Variants in ARL17A observed in about 807,000 individuals in gnomAD.
ARL17A encodes ARF like GTPase 17A.
chr17:46,539,197 T>G (rs1314333414), intron 3 of ARL17A, among the ~76,000 whole-genome samples: 1 of 67,194 alleles, frequency 1.5e-5, no homozygotes, highest in African/African-American at 4.8e-5. Flanking sequence ...GGTGACAGAG[T>G]GAGACTCCAT....
intron 4 of ARL17A, among the ~76,000 whole-genome samples, chr17:46,534,720 C>G (rs1357244592): frequency 1.3e-5 from 2 of 150,176 alleles, no homozygotes; most frequent in African/African-American, 2.5e-5. Flanking sequence ...GTACACCTCC[C>G]AGACGGGGTG....
the ARL17A span, among the ~76,000 whole-genome samples, chr17:46,506,319 C>T: frequency 1.2e-5 from 1 of 80,240 alleles, no homozygotes; most frequent in Middle Eastern, 5.3e-3. Context: ...TTATCTGTAC[C>T]AAACCTTTTT....
intron 3 of ARL17A, among the ~76,000 whole-genome samples, chr17:46,540,644 T>C (rs2055149726): frequency 6.9e-6 from 1 of 145,042 alleles, no homozygotes; most frequent in South Asian, 2.1e-4. Context: ...ATTAATTTGA[T>C]GATGCAAATC....
intron 3 of ARL17A, among the ~76,000 whole-genome samples, chr17:46,543,853 A>G (rs1332462474): frequency 2.7e-5 from 4 of 150,232 alleles, no homozygotes; most frequent in Admixed American, 1.3e-4. Context: ...TTTTGGGCTC[A>G]TGCCTGTAAT....
intron 2 of ARL17A, among the ~76,000 whole-genome samples, chr17:46,575,294 C>T (rs1474380309): frequency 6.1e-5 from 9 of 148,288 alleles, no homozygotes; most frequent in Admixed American, 1.4e-4. Flanking sequence ...CGGTAAAACA[C>T]AGTGCTGGTT....
chr17:46,501,635 C>T, the ARL17A span, among the ~76,000 whole-genome samples: 1,538 of 151,150 alleles, frequency 0.01, 38 homozygotes, highest in Non-Finnish European at 0.016. Flanking sequence ...ATTCTTTAAG[C>T]GGCCTTGTAG....
chr17:46,541,862 AG>A (rs1193118470), intron 3 of ARL17A, among the ~76,000 whole-genome samples: 1 of 150,550 alleles, frequency 6.6e-6, no homozygotes, highest in African/African-American at 2.5e-5. Context: ...TGGTATCTGC[AG>A]GGGGTCCTGG....
At chr17:46,530,053 T>G (rs1368146091) in intron 4 of ARL17A, among the ~76,000 whole-genome samples, 12 of 148,412 alleles carry the variant, frequency 8.1e-5, no homozygotes, top group Non-Finnish European at 1.6e-4. Context: ...ACAGTCATTA[T>G]TTTTGGTGTT....
At chr17:46,530,066 GA>G (rs1287314943) in intron 4 of ARL17A, among the ~76,000 whole-genome samples, 3 of 147,950 alleles carry the variant, frequency 2.0e-5, no homozygotes, top group South Asian at 2.1e-4. Context: ...TTGGTGTTTA[GA>G]AAAAAATAGA....
chr17:46,534,968 C>G (rs1218965888), intron 4 of ARL17A, among the ~76,000 whole-genome samples: 1 of 148,978 alleles, frequency 6.7e-6, no homozygotes, highest in Non-Finnish European at 1.5e-5. Context: ...ACTTCTCAGA[C>G]GGGGCGGCCA....
downstream of ARL17A, chr17:46,548,964 A>T (rs1465458689): frequency 6.2e-7 from 1 of 1,612,320 alleles, no homozygotes; most frequent in African/African-American, 1.4e-5. Flanking sequence ...GGAAAGACTT[A>T]ACCCACGCTA....
intron 3 of ARL17A, among the ~76,000 whole-genome samples, chr17:46,542,881 G>C (rs578200471): frequency 1.3e-5 from 2 of 150,372 alleles, no homozygotes; most frequent in Admixed American, 1.3e-4. Context: ...GATTAGCATG[G>C]AAAGGGCCCT....
chr17:46,500,786 T>G, the ARL17A span, among the ~76,000 whole-genome samples: 1 of 151,210 alleles, frequency 6.6e-6, no homozygotes, highest in Non-Finnish European at 1.5e-5. Context: ...TGTATTAATT[T>G]TTACTCATCT....
chr17:46,516,156 A>T (rs1455141267), downstream of ARL17A, among the ~76,000 whole-genome samples: 3 of 150,096 alleles, frequency 2.0e-5, no homozygotes, highest in Admixed American at 1.3e-4. Flanking sequence ...GAAAAAAATT[A>T]GCCAGGCATG....
At chr17:46,530,715 GCAAA>G (rs2053571205) in intron 4 of ARL17A, among the ~76,000 whole-genome samples, 1 of 49,406 alleles carries the variant, frequency 2.0e-5, no homozygotes, top group Non-Finnish European at 4.3e-5. Flanking sequence ...AGGTTGTATA[GCAAA>G]CAATCACCAT....
chr17:46,534,999 C>T (rs2054432267), intron 4 of ARL17A, among the ~76,000 whole-genome samples: 1 of 150,256 alleles, frequency 6.7e-6, no homozygotes, highest in Admixed American at 6.6e-5. Flanking sequence ...CTCCTCACCT[C>T]CCAGACAGGG....
downstream of ARL17A, among the ~76,000 whole-genome samples, chr17:46,526,476 G>A (rs1174501106): frequency 1.9e-5 from 2 of 103,366 alleles, no homozygotes; most frequent in East Asian, 4.8e-4. Context: ...CCCTTCCAAG[G>A]TCGTGGGAGG....
chr17:46,549,159 C>G (rs754991806), downstream of ARL17A: 1 of 1,611,390 alleles, frequency 6.2e-7, no homozygotes, highest in Non-Finnish European at 8.5e-7. Flanking sequence ...TGCTCGCAAA[C>G]AGGCTTCCAT....
chr17:46,502,797 G>A, the ARL17A span, among the ~76,000 whole-genome samples: 9 of 151,338 alleles, frequency 5.9e-5, no homozygotes, highest in Non-Finnish European at 7.3e-5. Context: ...GTTATCCAAG[G>A]TGACAACTGT....
Sources: allele counts gnomAD v4.1 joint callset (sites outside exome capture counted in the v4.1 genomes callset), GRCh38; gene constraint gnomAD v4.1.1; transcripts MANE v1.5; gene names NCBI Gene and HGNC (gene_info 2026-07-23, HGNC 2026-07-21).